Variants in FGGY observed in about 807,000 individuals in gnomAD.
FGGY encodes FGGY carbohydrate kinase domain-containing protein.
Under a neutral mutation model 71.3 loss-of-function variants are expected in FGGY, and 72 were observed. That is an observed-to-expected ratio of 1.01 (90% CI 0.84 to 1.23). FGGY has a LOEUF of 1.23. Among genes scored for constraint, FGGY ranks in the 50% most tolerant of loss-of-function variants. FGGY has a pLI of 0.00. For synonymous variants in FGGY, 251 were observed against 250.3 expected (o/e 1.00, Z -0.02); for missense variants, 668 against 682.3 (o/e 0.98, Z 0.23).
At chr1:59,429,384 A>AT (rs1255825017) in intron 5 of FGGY, among the ~76,000 whole-genome samples, 1 of 151,838 alleles carries the variant, frequency 6.6e-6, no homozygotes, top group African/African-American at 2.4e-5. Context: ...TTCCCTCTTG[A>AT]TTTTTTTGCT....
intron 9 of FGGY, among the ~76,000 whole-genome samples, chr1:59,622,184 T>C (rs1013478855): frequency 6.6e-6 from 1 of 152,124 alleles, no homozygotes; most frequent in African/African-American, 2.4e-5. Context: ...GTTTCTTTGC[T>C]GTTTCCTCTC....
chr1:59,646,789 G>A (rs1016765716), intron 11 of FGGY, among the ~76,000 whole-genome samples: 1 of 152,092 alleles, frequency 6.6e-6, no homozygotes, highest in African/African-American at 2.4e-5. Flanking sequence ...GAGGAGAAAA[G>A]GGTATAAGTG....
intron 4 of FGGY, among the ~76,000 whole-genome samples, chr1:59,355,418 G>C (rs2054123823): frequency 1.3e-5 from 2 of 152,136 alleles, no homozygotes; most frequent in African/African-American, 2.4e-5. Flanking sequence ...CTGGTACACT[G>C]TTCATGGTTG....
chr1:59,642,952 G>A (rs544913578), intron 11 of FGGY, among the ~76,000 whole-genome samples: 2 of 148,866 alleles, frequency 1.3e-5, no homozygotes, highest in African/African-American at 4.9e-5. Context: ...GGAGAATGGC[G>A]AGAACCTGGG....
chr1:59,369,695 G>A (rs1010810093), intron 4 of FGGY, among the ~76,000 whole-genome samples: 4 of 152,100 alleles, frequency 2.6e-5, no homozygotes, highest in Non-Finnish European at 2.9e-5. Flanking sequence ...TCACACGGCC[G>A]GATACTCCTC....
chr1:59,395,783 G>A (rs1308902270), intron 5 of FGGY, among the ~76,000 whole-genome samples: 1 of 152,106 alleles, frequency 6.6e-6, no homozygotes, highest in African/African-American at 2.4e-5. Context: ...GGAACTTGCC[G>A]GTGGTCACAC....
chr1:59,715,567 T>A (rs760153429), intron 14 of FGGY, among the ~76,000 whole-genome samples: 47 of 152,168 alleles, frequency 3.1e-4, no homozygotes, highest in Non-Finnish European at 1.0e-4. Context: ...GGTTTTAGAG[T>A]CAGTCAAGCC....
chr1:59,445,086 T>C (rs1262056020), intron 5 of FGGY, among the ~76,000 whole-genome samples: 10 of 152,194 alleles, frequency 6.6e-5, no homozygotes, highest in African/African-American at 2.4e-4. Flanking sequence ...AAGGAAGAGA[T>C]AATATCTGTG....
upstream of FGGY, chr1:59,296,555 G>T (rs78303895): frequency 0.043 from 6,492 of 152,538 alleles, 198 homozygotes; most frequent in Non-Finnish European, 0.066. Flanking sequence ...CCCTGCCCGC[G>T]GTTGGCTAGG....
At chr1:59,758,895 A>G (rs2098317595) in intron 15 of FGGY, among the ~76,000 whole-genome samples, 1 of 152,178 alleles carries the variant, frequency 6.6e-6, no homozygotes, top group African/African-American at 2.4e-5. Flanking sequence ...TATAGGCAGA[A>G]CAGAGATGCT....
At position 59,669,986 on chromosome 1, in the gene FGGY, AATGAAAAGG is replaced by A. The variant is rs563437839; in HGVS notation, c.1417+2584_1417+2592del. On this transcript the variant is annotated intron_variant, in intron 13 of 15. Transcript: ENST00000303721. Reference sequence around the variant, plus strand: ...GAAACTGTTCTCCTCTAGGCTGTTGAATGAAAAGGCTGTTAATCGTTATTTGGATTCCGA... The same window carrying A: ...GAAACTGTTCTCCTCTAGGCTGTTGACTGTTAATCGTTATTTGGATTCCGA... 3.5e-3 allele frequency among the ~76,000 whole-genome samples: 536 copies of A among 152,320 alleles called. 7 individuals are homozygous for A. Among genetic ancestry groups the A allele is most frequent in the African/African-American group, 0.012 (513 of 41,576 alleles).
At chr1:59,739,396 A>T (rs969614713) in intron 14 of FGGY, among the ~76,000 whole-genome samples, 1 of 152,206 alleles carries the variant, frequency 6.6e-6, no homozygotes, top group African/African-American at 2.4e-5. Flanking sequence ...CTATCTGGCC[A>T]TATGTAAAAA....
chr1:59,467,944 C>T (rs2153538310), intron 6 of FGGY, among the ~76,000 whole-genome samples: 1 of 150,526 alleles, frequency 6.6e-6, no homozygotes, highest in South Asian at 2.1e-4. Flanking sequence ...TCTCTTGTTG[C>T]CCAGGCTGGA....
At chr1:59,395,188 A>T (rs1202558871) in intron 5 of FGGY, among the ~76,000 whole-genome samples, 1 of 152,046 alleles carries the variant, frequency 6.6e-6, no homozygotes, top group Non-Finnish European at 1.5e-5. Flanking sequence ...TTGGATGAAG[A>T]TACTACAGTC....
intron 8 of FGGY, among the ~76,000 whole-genome samples, chr1:59,606,290 C>T (rs773383070): frequency 5.3e-5 from 8 of 152,168 alleles, no homozygotes; most frequent in Non-Finnish European, 8.8e-5. Context: ...TCTTTTCAAA[C>T]TTAGCTTATG....
intron 11 of FGGY, among the ~76,000 whole-genome samples, chr1:59,647,681 T>C (rs2097108384): frequency 6.6e-6 from 1 of 151,706 alleles, no homozygotes; most frequent in South Asian, 2.1e-4. Flanking sequence ...GGTCAGCCAG[T>C]GATCCTTCTC....
chr1:59,664,124 A>C (rs2097302340), intron 12 of FGGY, among the ~76,000 whole-genome samples: 2 of 152,238 alleles, frequency 1.3e-5, no homozygotes, highest in Non-Finnish European at 2.9e-5. Context: ...CAGACCCTTA[A>C]AAGGTACTAT....
chr1:59,508,326 A>G (rs1340975668), intron 6 of FGGY, among the ~76,000 whole-genome samples: 3 of 152,226 alleles, frequency 2.0e-5, no homozygotes, highest in Admixed American at 2.0e-4. Context: ...GTAGATGGAA[A>G]TCTATGCAGG....
chr1:59,392,931 A>G (rs1441700852), intron 5 of FGGY, among the ~76,000 whole-genome samples: 1 of 152,160 alleles, frequency 6.6e-6, no homozygotes, highest in African/African-American at 2.4e-5. Flanking sequence ...TGCATTCACC[A>G]ATAAAAAATG....
Sources: gnomAD v4.1 joint callset for allele counts (sites outside exome capture counted in the v4.1 genomes callset) on GRCh38, gnomAD v4.1.1 for gene constraint, MANE v1.5 for transcripts, NCBI Gene and HGNC (gene_info 2026-07-23, HGNC 2026-07-21) for gene names.